The following KIFC3 variants were observed in gnomAD, a reference collection of about 807,000 sequenced individuals.
The protein encoded by KIFC3 is kinesin-like protein KIFC3.
KIFC3 carries 60 observed loss-of-function variants against 101.8 expected under a neutral mutation model. That is an observed-to-expected ratio of 0.59 (90% CI 0.48 to 0.73). The LOEUF (loss-of-function observed/expected upper bound fraction) is 0.73, where lower values mean the gene tolerates loss of function less well. Among genes scored for constraint, KIFC3 ranks in the 30% least tolerant of loss-of-function variants. The pLI is 0.00. For synonymous variants in KIFC3, 476 were observed against 482.7 expected (o/e 0.99, Z 0.18); for missense variants, 966 against 1,137.1 (o/e 0.85, Z 2.16).
At chr16:57,844,766 T>G (rs1161039817) in intron 1 of KIFC3, among the ~76,000 whole-genome samples, 3 of 152,156 alleles carry the variant, frequency 2.0e-5, no homozygotes, top group African/African-American at 7.2e-5. Context: ...GAGCACAGTC[T>G]TCTATGCTGG....
Position 57,760,736 on chromosome 16 carries a change from A to G in KIFC3, c.2222T>C (p.Met741Thr). 1 of 1,613,514 alleles carries G rather than the reference A, an allele frequency of 6.2e-7. No individual in the cohort carries two copies. Among genetic ancestry groups the G allele is most frequent in the East Asian group, 2.2e-5 (1 of 44,880 alleles). ...ACCCAAGGTCCTCACCTGTACCACC[A>G]TGAGGGTCTTGCTGTCACCACTAAG... ...DSLSGDSKTL[M>T]VVQVSPVEKN... The change falls in exon 16 of 20, where the codon ATG becomes ACG. Residue 741 changes from methionine (M) to threonine (T), a missense_variant. Met to Thr is a moderately conservative substitution (Grantham distance 81, BLOSUM62 -1). Around this residue, in one of 2 missense-constraint regions of KIFC3, gnomAD observed 689 missense variants for 884.6 expected, o/e 0.78. Transcript: ENST00000445690.
intron 1 of KIFC3, among the ~76,000 whole-genome samples, chr16:57,853,440 A>AAATAAAATAAAATAAAATAG (rs1182258555): frequency 6.6e-6 from 1 of 151,808 alleles, no homozygotes; most frequent in Non-Finnish European, 1.5e-5. Context: ...AAATAAAATA[A>AAATAAAATAAAATAAAATAG]AATAAAATAG....
intron 1 of KIFC3, among the ~76,000 whole-genome samples, chr16:57,837,423 A>G (rs550063040): frequency 6.6e-6 from 1 of 151,758 alleles, no homozygotes; most frequent in Non-Finnish European, 1.5e-5. Flanking sequence ...AGCCAAGATC[A>G]TGCCACTACA....
intron 1 of KIFC3, among the ~76,000 whole-genome samples, chr16:57,844,354 C>T (rs148547161): frequency 0.013 from 1,871 of 144,152 alleles, 21 homozygotes; most frequent in African/African-American, 0.029. Context: ...TGCTTGAACC[C>T]GGGAGGCGGA....
chr16:57,785,541 C>T (rs1555617233), intron 3 of KIFC3: 1 of 1,288,856 alleles, frequency 7.8e-7, no homozygotes, highest in South Asian at 1.2e-5. Context: ...ACCACCAGCT[C>T]CTCCTGTAGC....
At chr16:57,835,569 G>C (rs1555480190) in intron 1 of KIFC3, among the ~76,000 whole-genome samples, 1 of 152,166 alleles carries the variant, frequency 6.6e-6, no homozygotes, top group Non-Finnish European at 1.5e-5. Context: ...TACTACTCTT[G>C]TCAGCCCTGT....
intron 1 of KIFC3, among the ~76,000 whole-genome samples, chr16:57,842,369 G>C (rs2055832593): frequency 6.6e-6 from 1 of 152,124 alleles, no homozygotes; most frequent in Non-Finnish European, 1.5e-5. Flanking sequence ...GACATTCACT[G>C]CATATTTATG....
At chr16:57,838,969 G>C (rs2055751239) in intron 1 of KIFC3, among the ~76,000 whole-genome samples, 1 of 152,140 alleles carries the variant, frequency 6.6e-6, no homozygotes, top group Non-Finnish European at 1.5e-5. Flanking sequence ...GGTGCAGAGT[G>C]GGGGATTAAT....
At chr16:57,762,810 T>C (rs541860591) in intron 12 of KIFC3, among the ~76,000 whole-genome samples, 1 of 152,270 alleles carries the variant, frequency 6.6e-6, no homozygotes, top group South Asian at 2.1e-4. Flanking sequence ...CCTCTTCTGA[T>C]AGCACCTCTC....
In KIFC3 at chr16:57,794,544, G is replaced by A. The variant is rs966015328; in HGVS notation, c.315+455C>T. On this transcript the variant is annotated intron_variant, in intron 3 of 19. Coordinates refer to ENST00000445690, the MANE Select transcript of KIFC3 (RefSeq NM_001130100.2). ...CCTAGCCTTACTTTGTCATTTTAAA[G>A]TCACTTGGTGATAACTGCAAGGGAG... 5.3e-5 allele frequency among the ~76,000 whole-genome samples: 8 copies of A among 152,248 alleles called. No individual in the cohort carries two copies. The East Asian group carries it at 1.5e-3, about 29-fold the overall frequency.
At position 57,759,689 on chromosome 16, in the gene KIFC3, T is replaced by TG. The variant is rs2049588784; in HGVS notation, c.2476+38dup. The TG allele has an allele frequency of 3.3e-6, 5 of 1,510,886 alleles. No individual in the cohort carries two copies. In the South Asian group the frequency reaches 5.9e-5, roughly 18 times the overall value. 93.6% of individuals were successfully genotyped at this position (1,510,886 alleles called of 1,614,324 possible). A position where few individuals can be genotyped will look rare whatever the true frequency, so the allele number is the denominator to read the frequency against. ...AAGGGCAGCCTGGTGACTATTACCC[T>TG]GGGGAGACTCCCCACCCACACTGCC... On this transcript the variant is annotated intron_variant, in intron 18 of 19. Transcript: ENST00000445690.
At chr16:57,841,079 T>C (rs2055799126) in intron 1 of KIFC3, among the ~76,000 whole-genome samples, 1 of 152,232 alleles carries the variant, frequency 6.6e-6, no homozygotes, top group African/African-American at 2.4e-5. Flanking sequence ...GTTCTAGCCC[T>C]TGCTGGACCT....
At chr16:57,781,077 G>C (rs1466457359) in intron 3 of KIFC3, among the ~76,000 whole-genome samples, 1 of 152,166 alleles carries the variant, frequency 6.6e-6, no homozygotes. Flanking sequence ...CAGCACTTTG[G>C]GAGGCTGAGG....
chr16:57,765,840 G>A, intron 10 of KIFC3, 200 bp from the exon 11 acceptor site: 1 of 540,658 alleles, frequency 1.8e-6, no homozygotes, highest in Non-Finnish European at 3.2e-6. Flanking sequence ...ATTTCTTCTT[G>A]AACAGACCAG....
At chr16:57,775,292 T>A in intron 3 of KIFC3, 6 of 1,239,874 alleles carry the variant, frequency 4.8e-6, no homozygotes, top group Non-Finnish European at 6.1e-6. Flanking sequence ...AGACACTAGG[T>A]CATCTCTGGC....
chr16:57,804,330 C>T (rs559512152), upstream of KIFC3, among the ~76,000 whole-genome samples: 2 of 152,246 alleles, frequency 1.3e-5, no homozygotes, highest in South Asian at 2.1e-4. Flanking sequence ...ACCCTGAACA[C>T]CCTATGAACA....
chr16:57,771,233 T>C lies in KIFC3; in HGVS notation c.730A>G (p.Ile244Val). The part of the protein sequence containing the change: ...SRRLRDSHET[I>V]ASLRAQSPPV... ...GGGGACTGGGCCCGCAGGCTGGCAA[T>C]GGTCTCGTGGCTGTCACGCAGGCGC... is the stretch of plus-strand genomic sequence containing the variant. The change falls in exon 6 of 20, where the codon ATT (isoleucine) becomes GTT (valine). Residue 244 changes from isoleucine (I) to valine (V), a missense_variant. Ile to Val is a conservative substitution (Grantham distance 29). Around this residue, in one of 2 missense-constraint regions of KIFC3, gnomAD observed 689 missense variants for 884.6 expected, o/e 0.78. Coordinates refer to ENST00000445690, the MANE Select transcript of KIFC3 (RefSeq NM_001130100.2). The C allele has an allele frequency of 6.2e-7, 1 of 1,613,108 alleles. No homozygotes were observed. The highest frequency in any genetic ancestry group is 1.1e-5 in the South Asian group (1 of 91,062).
intron 1 of KIFC3, chr16:57,815,291 G>A: frequency 2.6e-6 from 1 of 379,472 alleles, no homozygotes; most frequent in Non-Finnish European, 4.0e-6. Context: ...GTCCTGGGAG[G>A]CTGACTGGAG....
chr16:57,758,375 A>C lies in KIFC3; in HGVS notation c.*559T>G. 3.1e-6 allele frequency: 1 copy of C among 322,998 alleles called. No individual in the cohort carries two copies. Among genetic ancestry groups the C allele is most frequent in the Non-Finnish European group, 6.0e-6 (1 of 166,028 alleles). The allele number at this position is 322,998 out of a possible 1,614,324, so 20.0% of individuals were successfully genotyped here. A position where few individuals can be genotyped will look rare whatever the true frequency, so the allele number is the denominator to read the frequency against. On this transcript the variant is annotated 3_prime_UTR_variant, in exon 20 of 20. Coordinates refer to ENST00000445690, the MANE Select transcript of KIFC3 (RefSeq NM_001130100.2). ...CACCCGCTGGCTGCCTCTGCCAGCCATAAACACAGCACGGCCCCGTGGCGG... is the reference window on the plus strand; with the variant it reads ...CACCCGCTGGCTGCCTCTGCCAGCCCTAAACACAGCACGGCCCCGTGGCGG...
Sources: allele counts gnomAD v4.1 joint callset (sites outside exome capture counted in the v4.1 genomes callset), GRCh38; gene constraint gnomAD v4.1.1; regional missense constraint gnomAD v4.1.1; transcripts MANE v1.5; gene names NCBI Gene and HGNC (gene_info 2026-07-23, HGNC 2026-07-21).